RPRD2: variants seen among roughly 807,000 people sequenced by gnomAD.
The protein encoded by RPRD2 is regulation of nuclear pre-mRNA domain containing 2.
In RPRD2, 12 loss-of-function variants were observed where a neutral mutation model predicts 104.4. That is an observed-to-expected ratio of 0.11 (90% CI 0.07 to 0.19). RPRD2 has a LOEUF of 0.19. Ranked by LOEUF, RPRD2 falls within the 10% of genes least tolerant of loss-of-function variation. RPRD2 has a pLI of 1.00. For synonymous variants in RPRD2, 714 were observed against 684.9 expected (o/e 1.04, Z -0.66); for missense variants, 1,543 against 1,790.1 (o/e 0.86, Z 2.49).
chr1:150,438,457 C>G (rs587688784), intron 2 of RPRD2, among the ~76,000 whole-genome samples: 28 of 152,030 alleles, frequency 1.8e-4, no homozygotes, highest in African/African-American at 6.7e-4. Context: ...GAAACCCCGT[C>G]CCTACTAAAA....
chr1:150,468,027 T>C (rs1035607506), intron 10 of RPRD2, among the ~76,000 whole-genome samples: 1 of 151,634 alleles, frequency 6.6e-6, no homozygotes, highest in Non-Finnish European at 1.5e-5. Flanking sequence ...CTGGGCGTGG[T>C]GGCTCACAGC....
At position 150,446,344 on chromosome 1, in the gene RPRD2, G is replaced by A. The variant is rs782069606; in HGVS notation, c.813G>A (p.Leu271=). The A allele has an allele frequency of 3.4e-5, 54 of 1,610,280 alleles. No homozygotes were observed. The highest frequency in any genetic ancestry group is 4.2e-5 in the Non-Finnish European group (50 of 1,179,234). The part of the protein sequence containing the change: ...VKNGPSLTEA[L]ENAGIFYEAQ... ...ACGGACCCTCATTAACAGAAGCACTGGAAAATGCTGGAATTTTCTATGAAG... is the reference window on the plus strand; with the variant it reads ...ACGGACCCTCATTAACAGAAGCACTAGAAAATGCTGGAATTTTCTATGAAG... Residue 271 remains leucine, a synonymous_variant, in exon 7 of 11, where the codon CTG becomes CTA. Transcript: ENST00000369068.
At chr1:150,397,719 A>T (rs1424293423) in intron 1 of RPRD2, among the ~76,000 whole-genome samples, 1 of 152,130 alleles carries the variant, frequency 6.6e-6, no homozygotes, top group Non-Finnish European at 1.5e-5. Context: ...GTTCTTGGTA[A>T]TTATGAATAA....
intron 2 of RPRD2, among the ~76,000 whole-genome samples, chr1:150,431,308 G>T (rs1665552397): frequency 6.6e-6 from 1 of 151,944 alleles, no homozygotes; most frequent in South Asian, 2.1e-4. Flanking sequence ...TACCCCAAAA[G>T]AAATGGAAAC....
intron 6 of RPRD2, 40 bp from the exon 7 acceptor site, chr1:150,446,186 T>C (rs1448653425): frequency 7.1e-7 from 1 of 1,407,700 alleles, no homozygotes; most frequent in East Asian, 2.5e-5. Context: ...TTTTTATTTT[T>C]TATTTTATCC....
intron 1 of RPRD2, among the ~76,000 whole-genome samples, chr1:150,391,738 T>C (rs1437321166): frequency 6.6e-6 from 1 of 152,066 alleles, no homozygotes; most frequent in Non-Finnish European, 1.5e-5. Context: ...CGAAACACTG[T>C]CTTTACTAAA....
chr1:150,402,422 A>C (rs782341384), intron 1 of RPRD2, among the ~76,000 whole-genome samples: 1 of 152,212 alleles, frequency 6.6e-6, no homozygotes, highest in South Asian at 2.1e-4. Context: ...TCACGCCTGT[A>C]ATCCCAGCAT....
chr1:150,440,731 TTTTAAG>T (rs782783331), intron 2 of RPRD2, among the ~76,000 whole-genome samples, 186 bp from the exon 3 acceptor site: 92 of 152,320 alleles, frequency 6.0e-4, no homozygotes, highest in Non-Finnish European at 1.1e-3. Flanking sequence ...TTGGTAATTA[TTTTAAG>T]TTTAAGTTAA....
intron 1 of RPRD2, among the ~76,000 whole-genome samples, chr1:150,416,891 A>G (rs1359362447): frequency 6.6e-6 from 1 of 150,536 alleles, no homozygotes; most frequent in East Asian, 2.0e-4. Flanking sequence ...AAAAAAAAAA[A>G]CAAAAAGAAG....
intron 1 of RPRD2, among the ~76,000 whole-genome samples, chr1:150,393,056 C>T (rs1392608390): frequency 6.6e-6 from 1 of 151,548 alleles, no homozygotes; most frequent in African/African-American, 2.4e-5. Flanking sequence ...AAAAATGTGG[C>T]TATATAGAGA....
At chr1:150,365,649 G>A (rs1659783104) in intron 1 of RPRD2, among the ~76,000 whole-genome samples, 1 of 152,118 alleles carries the variant, frequency 6.6e-6, no homozygotes, top group South Asian at 2.1e-4. Context: ...GAGTGCAGTG[G>A]CGCGATCTCG....
intron 1 of RPRD2, among the ~76,000 whole-genome samples, chr1:150,377,683 T>C (rs996443245): frequency 2.0e-5 from 3 of 152,114 alleles, no homozygotes; most frequent in Non-Finnish European, 2.9e-5. Flanking sequence ...ATGAGTTTTA[T>C]ATGCTCTAAC....
At chr1:150,401,357 G>T (rs1008657252) in intron 1 of RPRD2, among the ~76,000 whole-genome samples, 1 of 151,950 alleles carries the variant, frequency 6.6e-6, no homozygotes, top group Non-Finnish European at 1.5e-5. Flanking sequence ...GTATGGTGGT[G>T]CAAGCCTGTA....
At chr1:150,460,443 T>C in intron 9 of RPRD2, 126 bp downstream of exon 9, 5 of 1,011,696 alleles carry the variant, frequency 4.9e-6, no homozygotes, top group Non-Finnish European at 7.2e-6. Flanking sequence ...TCGCTCTGTC[T>C]CCCAGGCAGG....
At chr1:150,371,010 C>G (rs1660259157) in intron 1 of RPRD2, among the ~76,000 whole-genome samples, 2 of 152,148 alleles carry the variant, frequency 1.3e-5, no homozygotes, top group African/African-American at 4.8e-5. Flanking sequence ...TACCTCCTCT[C>G]CCTTAGTACT....
At chr1:150,446,493 C>A in intron 7 of RPRD2, 92 bp downstream of exon 7, 2 of 1,086,628 alleles carry the variant, frequency 1.8e-6, no homozygotes, top group Non-Finnish European at 2.6e-6. Flanking sequence ...TTAGGATATG[C>A]ATTTTTATCT....
At position 150,473,023 on chromosome 1, in the gene RPRD2, G is replaced by A. The variant is rs79565099; in HGVS notation, c.4075G>A (p.Gly1359Ser). ...HGGPTQRDLN[G>S]PGLSRVRESL... ...GGGCCCCACCCAACGGGACCTCAAC[G>A]GCCCTGGCCTTAGCCGTGTACGAGA... is the stretch of plus-strand genomic sequence containing the variant. The change falls in exon 11 of 11, where the codon GGC (glycine) becomes AGC (serine). Residue 1359 changes from glycine (G) to serine (S), a missense_variant. By Grantham distance (56) the Gly-to-Ser change is moderately conservative (BLOSUM62 0). Transcript: ENST00000369068. 1.2e-3 allele frequency: 1,888 copies of A among 1,614,004 alleles called. 15 individuals are homozygous for A. The East Asian group carries it at 0.019, about 17-fold the overall frequency.
At chr1:150,455,014 A>G (rs1667430750) in intron 7 of RPRD2, among the ~76,000 whole-genome samples, 1 of 152,188 alleles carries the variant, frequency 6.6e-6, no homozygotes, top group Admixed American at 6.5e-5. Context: ...CAATATTAAC[A>G]TCAACAGTGG....
chr1:150,370,354 A>G (rs1660209239), intron 1 of RPRD2, among the ~76,000 whole-genome samples: 1 of 152,170 alleles, frequency 6.6e-6, no homozygotes, highest in Non-Finnish European at 1.5e-5. Context: ...TTTTTCATCT[A>G]TAAGTAGTTC....
Sources: gnomAD v4.1 joint callset for allele counts (sites outside exome capture counted in the v4.1 genomes callset) on GRCh38, gnomAD v4.1.1 for gene constraint, MANE v1.5 for transcripts, NCBI Gene and HGNC (gene_info 2026-07-23, HGNC 2026-07-21) for gene names.